Variants in SNRPD2 observed in about 807,000 individuals in gnomAD.
The protein encoded by SNRPD2 is small nuclear ribonucleoprotein Sm D2.
In SNRPD2, 1 loss-of-function variant was observed where a neutral mutation model predicts 11.5. That is an observed-to-expected ratio of 0.09 (90% confidence interval 0.03 to 0.41). The LOEUF is 0.41. SNRPD2 is among the 10% of genes least tolerant of loss of function. The pLI, the probability that SNRPD2 is intolerant of heterozygous loss-of-function variation, is 0.98. For missense variants in SNRPD2, 77 were observed against 154.9 expected, an observed-to-expected ratio of 0.50 and a Z score of 2.67; for synonymous variants, 63 against 61.5, an observed-to-expected ratio of 1.02 and a Z score of -0.12.
At position 45,688,978 on chromosome 19, in the gene SNRPD2, C is replaced by A. The variant is rs571046784; in HGVS notation, c.3-412G>T. On this transcript the variant is annotated intron_variant, in intron 1 of 2. Transcript: ENST00000342669. The surrounding 1 kb of genome is among the most constrained non-coding windows in gnomAD (Gnocchi z 4.1). The stretch of plus-strand genomic sequence containing the variant: ...TTGATTTCTTGACCTTGTGATCCAC[C>A]CGCCTCGACCTCCCAAAGTGCTGAG... 6.6e-6 allele frequency among the ~76,000 whole-genome samples: 1 copy of A among 152,086 alleles called. No homozygotes were observed. Among genetic ancestry groups the A allele is most frequent in the Non-Finnish European group, 1.5e-5 (1 of 68,022 alleles).
rs55742289 is a variant in SNRPD2, at chr19:45,689,109, TC to T, written c.3-544del. On this transcript the variant is annotated intron_variant, in intron 1 of 2. Coordinates refer to ENST00000342669, the MANE Select transcript of SNRPD2 (RefSeq NM_001384647.1). Reference sequence around the variant, plus strand: ...CCCAAGCCTACCCTATCTACAGCGTTCCCCATCTGCTTTGATGGTAACTCCA... The same window carrying T: ...CCCAAGCCTACCCTATCTACAGCGTTCCCATCTGCTTTGATGGTAACTCCA... 1.7e-5 allele frequency: 8 copies of T among 471,536 alleles called. No homozygotes were observed. In the East Asian group the frequency reaches 4.7e-4, roughly 28 times the overall value. 29.2% of individuals were successfully genotyped at this position (471,536 alleles called of 1,614,324 possible).
At position 45,687,567 on chromosome 19, in the gene SNRPD2, T is replaced by C; in HGVS notation, c.343A>G (p.Ile115Val). 5 of 1,614,214 alleles carry C rather than the reference T, an allele frequency of 3.1e-6. No homozygotes were observed. The highest frequency in any genetic ancestry group is 2.2e-5 in the East Asian group (1 of 44,882). Residue 115 changes from isoleucine to valine, a missense_variant, in exon 3 of 3, where the codon ATC (isoleucine) becomes GTC (valine). Coordinates refer to ENST00000342669, the MANE Select transcript of SNRPD2 (RefSeq NM_001384647.1). The surrounding 1 kb of genome is among the most constrained non-coding windows in gnomAD (Gnocchi z 4.1). ...SVIVVLRNPL[I>V]AGK Reference sequence around the variant, plus strand: ...ACAGGCGGCCCCTACTTGCCGGCGATGAGCGGGTTCCGCAGGACCACGATG... The same window carrying C: ...ACAGGCGGCCCCTACTTGCCGGCGACGAGCGGGTTCCGCAGGACCACGATG...
chr19:45,687,797 G>A lies in SNRPD2; in HGVS notation c.183-70C>T. On this transcript the variant is annotated intron_variant, in intron 2 of 2. Transcript: ENST00000342669. This position sits in a 1 kb window ranked among gnomAD's most constrained non-coding sequence, Gnocchi z 4.1. ...CCTCTGACAGTGCCCCCTACTGCCT[G>A]CTGCTCGCCCCCTCCAGCAGCATGG... 7.8e-7 allele frequency: 1 copy of A among 1,275,528 alleles called. No individual in the cohort carries two copies. The highest frequency in any genetic ancestry group is 2.3e-5 in the East Asian group (1 of 43,252). The allele number at this position is 1,275,528 out of a possible 1,614,324, so 79.0% of individuals were successfully genotyped here. A position where few individuals can be genotyped will look rare whatever the true frequency, so the allele number is the denominator to read the frequency against.
chr19:45,690,843 A>G (rs1029894773), intron 1 of SNRPD2, among the ~76,000 whole-genome samples: 9 of 151,878 alleles, frequency 5.9e-5, no homozygotes, highest in Admixed American at 1.3e-4. Context: ...AAAAAAAAAA[A>G]AAAAAGAAAA....
intron 1 of SNRPD2, among the ~76,000 whole-genome samples, chr19:45,689,025 G>A (rs1967475366): frequency 6.6e-6 from 1 of 152,088 alleles, no homozygotes; most frequent in South Asian, 2.1e-4. Flanking sequence ...GAGCCACCGT[G>A]CCCAGCCAGA....
Position 45,688,383 on chromosome 19 carries a change from T to C in SNRPD2, c.182+4A>G. The C allele has an allele frequency of 1.9e-6, 3 of 1,613,956 alleles. No homozygotes were observed. The highest frequency in any genetic ancestry group is 2.5e-6 in the Non-Finnish European group (3 of 1,179,812). On this transcript the variant is annotated splice_donor_region_variant and intron_variant, in intron 2 of 2. Transcript: ENST00000342669. The surrounding 1 kb of genome is among the most constrained non-coding windows in gnomAD (Gnocchi z 4.1). The stretch of plus-strand genomic sequence containing the variant: ...GAGAACACCTCCCAGGACCCAGCAC[T>C]CACCTATCGAAGGCCTTCACGCGGC...
chr19:45,689,539 T>TA (rs956327392), intron 1 of SNRPD2, among the ~76,000 whole-genome samples: 8 of 150,690 alleles, frequency 5.3e-5, no homozygotes, highest in East Asian at 2.0e-4. Context: ...AAAACAACAA[T>TA]AAAAAAAACA....
At chr19:45,692,085 G>C, upstream of SNRPD2, 1 of 1,464,588 alleles carries the variant, frequency 6.8e-7, no homozygotes, top group Non-Finnish European at 9.1e-7. Flanking sequence ...GCTTCGGGTA[G>C]GGGTTCGCGG....
intron 1 of SNRPD2, chr19:45,689,388 A>G (rs1374387629): frequency 1.6e-5 from 7 of 443,828 alleles, no homozygotes; most frequent in Non-Finnish European, 3.2e-5. Flanking sequence ...CTCCCAGGGT[A>G]TGGGTACAGT....
At chr19:45,690,977 G>A (rs557525796) in intron 1 of SNRPD2, among the ~76,000 whole-genome samples, 1 of 152,180 alleles carries the variant, frequency 6.6e-6, no homozygotes, top group East Asian at 1.9e-4. Flanking sequence ...TAATAAATGC[G>A]CAAAATCATG....
chr19:45,692,305 C>T (rs1967582421), upstream of SNRPD2: 2 of 367,220 alleles, frequency 5.4e-6, no homozygotes, highest in South Asian at 3.1e-5. Context: ...CCCCTCTTCC[C>T]TCTGGGACGC....
intron 1 of SNRPD2, among the ~76,000 whole-genome samples, chr19:45,690,276 G>A (rs1488124852): frequency 6.9e-6 from 1 of 145,710 alleles, no homozygotes; most frequent in African/African-American, 2.6e-5. Context: ...AGGCTGCAGT[G>A]AGCCGAGATT....
At chr19:45,692,018 A>G (rs1182061978), upstream of SNRPD2, 12 of 1,603,436 alleles carry the variant, frequency 7.5e-6, no homozygotes, top group Non-Finnish European at 8.5e-6. Context: ...CAGTAAGTGG[A>G]GGCGTGGCCT....
rs1459098089 is a variant in SNRPD2 at position 45,688,521 on chromosome 19, C to T, written c.48G>A (p.Leu16=). ...TAAATTCCTCCTCCTCTCGCTTCTG[C>T]AGCTCCTCTGGGGTCATCTCACTCT... ...KPKSEMTPEE[L]QKREEEEFNT... The change falls in exon 2 of 3, where the codon CTG becomes CTA. Residue 16 remains leucine, a synonymous_variant. Transcript: ENST00000342669. The surrounding 1 kb of genome is among the most constrained non-coding windows in gnomAD (Gnocchi z 4.1). 6.2e-7 allele frequency: 1 copy of T among 1,614,150 alleles called. No individual in the cohort carries two copies. Among genetic ancestry groups the T allele is most frequent in the Non-Finnish European group, 8.5e-7 (1 of 1,179,996 alleles).
chr19:45,691,823 A>C, intron 1 of SNRPD2, 64 bp downstream of exon 1: 1 of 1,592,216 alleles, frequency 6.3e-7, no homozygotes, highest in Non-Finnish European at 8.6e-7. Flanking sequence ...CCCTTCCCAC[A>C]CTCAATCGGT....
chr19:45,687,463 A>G lies in SNRPD2; in HGVS notation c.*90T>C. 1 of 1,308,384 alleles carries G rather than the reference A, an allele frequency of 7.6e-7. No individual in the cohort carries two copies. Among genetic ancestry groups the G allele is most frequent in the Non-Finnish European group, 1.1e-6 (1 of 927,892 alleles). 81.0% of individuals were successfully genotyped at this position (1,308,384 alleles called of 1,614,324 possible). ...AGGCTCTGGAAACAGATACCACTAG[A>G]AAAAAACACAGAGCTTTATTATTCT... On this transcript the variant is annotated 3_prime_UTR_variant, in exon 3 of 3. Coordinates refer to ENST00000342669, the MANE Select transcript of SNRPD2 (RefSeq NM_001384647.1). This position sits in a 1 kb window ranked among gnomAD's most constrained non-coding sequence, Gnocchi z 4.1.
At chr19:45,691,657 C>CTTTAT (rs1967558503) in intron 1 of SNRPD2, 1 of 606,228 alleles carries the variant, frequency 1.6e-6, no homozygotes, top group Admixed American at 2.7e-5. Flanking sequence ...AGGAATGAGC[C>CTTTAT]CCCGCGCCCA....
At position 45,687,951 on chromosome 19, in the gene SNRPD2, G is replaced by A. The variant is rs994839638; in HGVS notation, c.183-224C>T. ...CAGTTTGCTCCTTTTTAAGAGGGAA[G>A]ATAATCACGTTACCTTCCTCACAGG... On this transcript the variant is annotated intron_variant, in intron 2 of 2. Transcript: ENST00000342669. The surrounding 1 kb of genome is among the most constrained non-coding windows in gnomAD (Gnocchi z 4.1). 2.0e-5 allele frequency among the ~76,000 whole-genome samples: 3 copies of A among 152,214 alleles called. No individual in the cohort carries two copies. The highest frequency in any genetic ancestry group is 4.8e-5 in the African/African-American group (2 of 41,454).
In SNRPD2 at chr19:45,687,586, C is replaced by T. The variant is rs1200382925; in HGVS notation, c.324G>A (p.Val108=). 1 of 1,614,226 alleles carries T rather than the reference C, an allele frequency of 6.2e-7. No homozygotes were observed. Among genetic ancestry groups the T allele is most frequent in the East Asian group, 2.2e-5 (1 of 44,888 alleles). ...KMFLRGDSVI[V]VLRNPLIAGK The stretch of plus-strand genomic sequence containing the variant: ...CGGCGATGAGCGGGTTCCGCAGGAC[C>T]ACGATGACTGAGTCCCCGCGCAGGA... Residue 108 remains valine (V), a synonymous_variant, in exon 3 of 3, where the codon GTG becomes GTA. Transcript: ENST00000342669. This position sits in a 1 kb window ranked among gnomAD's most constrained non-coding sequence, Gnocchi z 4.1.
Sources: allele counts gnomAD v4.1 joint callset (sites outside exome capture counted in the v4.1 genomes callset), GRCh38; gene constraint gnomAD v4.1.1; non-coding constraint Gnocchi (gnomAD v3.1); transcripts MANE v1.5; gene names NCBI Gene and HGNC (gene_info 2026-07-23, HGNC 2026-07-21).